The following SNX29 variants were observed in gnomAD, a reference collection of about 807,000 sequenced individuals.
SNX29 encodes sorting nexin-29.
Under a neutral mutation model 102.1 loss-of-function variants are expected in SNX29, and 78 were observed. The observed-to-expected ratio is 0.76, with a 90% CI of 0.64 to 0.92. The LOEUF (loss-of-function observed/expected upper bound fraction) is 0.92, where lower values mean the gene tolerates loss of function less well. Among genes scored for constraint, SNX29 ranks in the 40% least tolerant of loss-of-function variants. SNX29 has a pLI of 0.00. For synonymous variants in SNX29, 580 were observed against 414.5 expected (o/e 1.40, Z -4.85); for missense variants, 1,280 against 1,061.7 (o/e 1.21, Z -2.86).
At chr16:12,520,933 T>C (rs1285728533) in intron 19 of SNX29, among the ~76,000 whole-genome samples, 1 of 152,152 alleles carries the variant, frequency 6.6e-6, no homozygotes, top group Non-Finnish European at 1.5e-5. Flanking sequence ...GTGCAGTAGC[T>C]CATGCCTGTA....
chr16:12,040,946 T>C (rs1389216897), intron 4 of SNX29, among the ~76,000 whole-genome samples: 1 of 152,178 alleles, frequency 6.6e-6, no homozygotes, highest in African/African-American at 2.4e-5. Flanking sequence ...CCCAAGTAGC[T>C]GGGACTACAG....
intron 14 of SNX29, among the ~76,000 whole-genome samples, chr16:12,273,523 T>C (rs1162057136): frequency 2.0e-5 from 3 of 151,930 alleles, no homozygotes; most frequent in Non-Finnish European, 2.9e-5. Context: ...CATGCCCGGC[T>C]AATTTTTGTA....
chr16:12,356,641 G>A (rs1330138178), intron 16 of SNX29, among the ~76,000 whole-genome samples: 1 of 152,186 alleles, frequency 6.6e-6, no homozygotes, highest in Admixed American at 6.5e-5. Flanking sequence ...TATTACTGTT[G>A]TATGTATCTG....
chr16:12,007,092 A>G (rs1421917672), intron 3 of SNX29, among the ~76,000 whole-genome samples: 4 of 152,052 alleles, frequency 2.6e-5, no homozygotes, highest in Admixed American at 6.5e-5. Flanking sequence ...ATTCTCCTCT[A>G]CCTCAGTGGG....
chr16:12,459,986 T>C (rs2086709163), intron 18 of SNX29, among the ~76,000 whole-genome samples: 2 of 152,064 alleles, frequency 1.3e-5, no homozygotes, highest in East Asian at 3.9e-4. Context: ...CCCAGTGTGG[T>C]TGGAAATATA....
rs926876382 is a variant in SNX29, at chr16:12,562,144, A to G, written c.2319-6362A>G. On this transcript the variant is annotated intron_variant, in intron 20 of 20. Coordinates refer to ENST00000566228, the MANE Select transcript of SNX29 (RefSeq NM_032167.5). ...GTGTGACCCCAAAATGGCTCTGGCA[A>G]TACCAGGTCTGTGGAGTAAGATTGA... 5.3e-5 allele frequency among the ~76,000 whole-genome samples: 8 copies of G among 152,268 alleles called. No homozygotes were observed. In the East Asian group the frequency reaches 9.7e-4, roughly 18 times the overall value.
At chr16:12,142,105 A>G (rs2054888618) in intron 13 of SNX29, among the ~76,000 whole-genome samples, 1 of 152,100 alleles carries the variant, frequency 6.6e-6, no homozygotes. Flanking sequence ...ACCATTTACA[A>G]ATGTATTGGA....
At chr16:12,304,450 A>G (rs1276532358) in intron 15 of SNX29, among the ~76,000 whole-genome samples, 1 of 152,214 alleles carries the variant, frequency 6.6e-6, no homozygotes, top group Non-Finnish European at 1.5e-5. Flanking sequence ...CAGATTTAAA[A>G]CAGACATTTA....
chr16:12,149,792 C>A (rs73519845), intron 13 of SNX29, among the ~76,000 whole-genome samples: 3,736 of 152,264 alleles, frequency 0.025, 166 homozygotes, highest in African/African-American at 0.086. Flanking sequence ...GAAGGCAGTT[C>A]TATATCATCC....
chr16:12,532,603 G>A (rs2076961606), intron 20 of SNX29, among the ~76,000 whole-genome samples: 1 of 151,522 alleles, frequency 6.6e-6, no homozygotes, highest in South Asian at 2.1e-4. Context: ...TCTGTCTGAG[G>A]TATTTGGAAA....
rs143372699 is a variant in SNX29, at chr16:12,457,683, C to T, written c.2038-20036C>T. The stretch of plus-strand genomic sequence containing the variant: ...GACTTGGACCAGGCAAAATGGCACA[C>T]GTTAGCCTCTGCCGTGGTGCTTTGC... On this transcript the variant is annotated intron_variant, in intron 18 of 20. Coordinates refer to ENST00000566228, the MANE Select transcript of SNX29 (RefSeq NM_032167.5). 6.6e-5 allele frequency among the ~76,000 whole-genome samples: 10 copies of T among 152,310 alleles called. No individual in the cohort carries two copies. The East Asian group carries it at 1.5e-3, about 23-fold the overall frequency.
chr16:12,418,806 C>T (rs1189467189), intron 18 of SNX29, among the ~76,000 whole-genome samples: 1 of 152,212 alleles, frequency 6.6e-6, no homozygotes, highest in Non-Finnish European at 1.5e-5. Flanking sequence ...TGAGCCACAG[C>T]ACCTGGCCAT....
At chr16:12,567,094 G>T (rs1451655350) in intron 20 of SNX29, among the ~76,000 whole-genome samples, 1 of 152,252 alleles carries the variant, frequency 6.6e-6, no homozygotes, top group Non-Finnish European at 1.5e-5. Context: ...CGAGGGGAAT[G>T]ATTTCTTTAT....
chr16:12,396,990 A>G (rs954574421), intron 16 of SNX29, among the ~76,000 whole-genome samples: 1 of 152,200 alleles, frequency 6.6e-6, no homozygotes, highest in African/African-American at 2.4e-5. Context: ...GACTCAAGTG[A>G]TGCTCCCACG....
At chr16:12,298,469 G>C (rs2080053869) in intron 15 of SNX29, among the ~76,000 whole-genome samples, 1 of 152,176 alleles carries the variant, frequency 6.6e-6, no homozygotes, top group Non-Finnish European at 1.5e-5. Flanking sequence ...ATGATCATGA[G>C]AAAGTTATTA....
At chr16:12,452,658 C>T (rs891309697) in intron 18 of SNX29, among the ~76,000 whole-genome samples, 1 of 151,972 alleles carries the variant, frequency 6.6e-6, no homozygotes, top group African/African-American at 2.4e-5. Context: ...GGTCACCAGC[C>T]CTGGGGACTG....
At chr16:12,136,219 A>G (rs1597014345) in intron 13 of SNX29, among the ~76,000 whole-genome samples, 1 of 152,140 alleles carries the variant, frequency 6.6e-6, no homozygotes, top group East Asian at 1.9e-4. Flanking sequence ...AACTATTTAG[A>G]AACTTAAAGT....
chr16:12,518,530 C>T (rs975161017), intron 19 of SNX29, among the ~76,000 whole-genome samples: 3 of 152,214 alleles, frequency 2.0e-5, no homozygotes, highest in Non-Finnish European at 1.5e-5. Flanking sequence ...GCTTCAGGGG[C>T]TGCTTCCTTG....
chr16:12,475,447 A>G (rs2087546693), intron 18 of SNX29, among the ~76,000 whole-genome samples: 1 of 152,200 alleles, frequency 6.6e-6, no homozygotes, highest in Non-Finnish European at 1.5e-5. Context: ...TGCAGGCTGT[A>G]TGGTCTATTT....
Sources: allele counts gnomAD v4.1 joint callset (sites outside exome capture counted in the v4.1 genomes callset), GRCh38; gene constraint gnomAD v4.1.1; transcripts MANE v1.5; gene names NCBI Gene and HGNC (gene_info 2026-07-23, HGNC 2026-07-21).